Variants in ANTXR1 observed in about 807,000 individuals in gnomAD.
ANTXR1 encodes ANTXR cell adhesion molecule 1, also known as anthrax toxin receptor 1.
Under a neutral mutation model 78.1 loss-of-function variants are expected in ANTXR1, and 19 were observed. That is an observed-to-expected ratio of 0.24 (90% confidence interval 0.17 to 0.36). The LOEUF (loss-of-function observed/expected upper bound fraction) is 0.36. ANTXR1 is among the 10% of genes least tolerant of loss of function. The pLI is 1.00. For missense variants in ANTXR1, 518 were observed against 718.6 expected, an observed-to-expected ratio of 0.72 and a Z score of 3.19; for synonymous variants, 273 against 260.5, an observed-to-expected ratio of 1.05 and a Z score of -0.46.
intron 9 of ANTXR1, among the ~76,000 whole-genome samples, chr2:69,093,113 CAG>C (rs1217829153): frequency 6.6e-6 from 1 of 152,154 alleles, no homozygotes; most frequent in African/African-American, 2.4e-5. Context: ...TCCTTGAAGA[CAG>C]AGAAGGAAAC....
intron 14 of ANTXR1, 54 bp from the exon 15 acceptor site, chr2:69,181,732 G>T: frequency 6.5e-7 from 1 of 1,545,898 alleles, no homozygotes; most frequent in Non-Finnish European, 8.9e-7. Flanking sequence ...GTAGTAGGCA[G>T]GTCCACACAG....
chr2:69,071,505 C>A (rs1670565119), intron 4 of ANTXR1, among the ~76,000 whole-genome samples: 1 of 152,306 alleles, frequency 6.6e-6, no homozygotes, highest in East Asian at 1.9e-4. Flanking sequence ...CCTTAGGGGA[C>A]CACTGTCATA....
intron 10 of ANTXR1, among the ~76,000 whole-genome samples, chr2:69,107,725 C>T (rs11689969): frequency 0.38 from 58,468 of 151,990 alleles, 11,736 homozygotes; most frequent in East Asian, 0.5. Flanking sequence ...GCTAAGACAA[C>T]TTTGAAGACA....
chr2:69,140,118 C>A (rs1673029001), intron 12 of ANTXR1, among the ~76,000 whole-genome samples: 1 of 152,186 alleles, frequency 6.6e-6, no homozygotes, highest in Non-Finnish European at 1.5e-5. Context: ...TCGTAAGTAA[C>A]ATGAAATGTC....
chr2:69,102,923 A>G lies in ANTXR1; in HGVS notation c.785A>G (p.Asn262Ser), dbSNP rs371700484. Residue 262 changes from asparagine (N) to serine (S), a missense_variant, in exon 10 of 18, where the codon AAT becomes AGT. Physicochemically the swap from Asn to Ser is conservative, Grantham distance 46. This residue lies in a region of ANTXR1 where 264 missense variants were observed against 391.8 expected (regional missense o/e 0.67). Transcript: ENST00000303714. ...AGGGTCCTCTGCAGCTTCAAGATCA[A>G]TGACTCGGTCACACTCAGTAAGTCC... ...VDRVLCSFKI[N>S]DSVTLNEKPF... 2 of 1,614,042 alleles carry G rather than the reference A, an allele frequency of 1.2e-6. No individual in the cohort carries two copies. Among genetic ancestry groups the G allele is most frequent in the Non-Finnish European group, 1.7e-6 (2 of 1,180,038 alleles).
At chr2:69,241,306 G>A (rs977510436) in intron 17 of ANTXR1, among the ~76,000 whole-genome samples, 14 of 152,142 alleles carry the variant, frequency 9.2e-5, no homozygotes, top group East Asian at 5.8e-4. Flanking sequence ...AGCAAAAAAC[G>A]ATGTTGTGTA....
At chr2:69,142,833 G>T (rs931083918) in intron 12 of ANTXR1, among the ~76,000 whole-genome samples, 2 of 152,148 alleles carry the variant, frequency 1.3e-5, no homozygotes, top group African/African-American at 4.8e-5. Flanking sequence ...GAGGAGGGAG[G>T]GGGAGGTGCT....
At chr2:69,220,272 CATCATACAGAGCTGCTG>C (rs1480922719) in intron 17 of ANTXR1, among the ~76,000 whole-genome samples, 3 of 152,180 alleles carry the variant, frequency 2.0e-5, no homozygotes, top group Non-Finnish European at 2.9e-5. Context: ...GCTCTCTCCT[CATCATACAGAGCTGCTG>C]AAGGGATCCT....
At chr2:69,094,017 A>G (rs1300347781) in intron 9 of ANTXR1, among the ~76,000 whole-genome samples, 1 of 152,256 alleles carries the variant, frequency 6.6e-6, no homozygotes, top group African/African-American at 2.4e-5. Context: ...TGAAACTCCC[A>G]AAAGATATCC....
chr2:69,069,822 C>T (rs1670513283), intron 3 of ANTXR1, among the ~76,000 whole-genome samples: 1 of 152,174 alleles, frequency 6.6e-6, no homozygotes, highest in Admixed American at 6.5e-5. Flanking sequence ...AGCATCTCCA[C>T]CCTGTACCAC....
intron 13 of ANTXR1, among the ~76,000 whole-genome samples, chr2:69,153,743 G>A (rs1177519475): frequency 9.9e-5 from 15 of 152,120 alleles, no homozygotes; most frequent in Admixed American, 9.2e-4. Context: ...AAGAAGAGTC[G>A]GCAGGCCTGG....
At chr2:69,126,443 G>A (rs1672542052) in intron 12 of ANTXR1, among the ~76,000 whole-genome samples, 1 of 152,148 alleles carries the variant, frequency 6.6e-6, no homozygotes, top group Admixed American at 6.5e-5. Flanking sequence ...TTCTTCAAGT[G>A]TATCCTGCCT....
At chr2:69,217,089 G>T (rs1006390081) in intron 17 of ANTXR1, among the ~76,000 whole-genome samples, 1 of 152,170 alleles carries the variant, frequency 6.6e-6, no homozygotes, top group Non-Finnish European at 1.5e-5. Context: ...AAAAAATGAG[G>T]TTTGGCACAA....
chr2:69,238,776 T>C (rs78546323), intron 17 of ANTXR1, among the ~76,000 whole-genome samples: 4,816 of 152,318 alleles, frequency 0.032, 262 homozygotes, highest in African/African-American at 0.11. Context: ...TGTTATACTT[T>C]TACGATCTAA....
At chr2:69,105,489 A>G (rs1372339306) in intron 10 of ANTXR1, among the ~76,000 whole-genome samples, 1 of 152,246 alleles carries the variant, frequency 6.6e-6, no homozygotes, top group Non-Finnish European at 1.5e-5. Flanking sequence ...TTAGTTAGTA[A>G]TTCACCTGTT....
Position 69,013,285 on chromosome 2 carries a change from A to G in ANTXR1, c.-215A>G, listed in dbSNP as rs1670918468. On this transcript the variant is annotated 5_prime_UTR_variant, in exon 1 of 18. Transcript: ENST00000303714. This position sits in a 1 kb window ranked among gnomAD's most constrained non-coding sequence, Gnocchi z 5.0. The stretch of plus-strand genomic sequence containing the variant: ...AAAAGAAGCGGAGGACAGGATTGGG[A>G]TCCTTGAAACCCGAAACCCAGAAAC... 1 of 679,826 alleles carries G rather than the reference A, an allele frequency of 1.5e-6. No homozygotes were observed. Among genetic ancestry groups the G allele is most frequent in the Admixed American group, 2.6e-5 (1 of 38,728 alleles). 42.1% of individuals were successfully genotyped at this position (679,826 alleles called of 1,614,324 possible).
At chr2:69,075,235 C>G (rs1313109243) in intron 6 of ANTXR1, among the ~76,000 whole-genome samples, 1 of 152,122 alleles carries the variant, frequency 6.6e-6, no homozygotes, top group South Asian at 2.1e-4. Flanking sequence ...TGATATCACG[C>G]CCCCATTACA....
At chr2:69,171,806 C>T (rs1426222021) in intron 14 of ANTXR1, among the ~76,000 whole-genome samples, 1 of 152,142 alleles carries the variant, frequency 6.6e-6, no homozygotes, top group Non-Finnish European at 1.5e-5. Flanking sequence ...AGTAAAAAAG[C>T]CCAAACTAGA....
At chr2:69,075,166 C>T (rs1175903714) in intron 6 of ANTXR1, among the ~76,000 whole-genome samples, 1 of 152,150 alleles carries the variant, frequency 6.6e-6, no homozygotes, top group Admixed American at 6.5e-5. Flanking sequence ...AAACACAATA[C>T]AGAGTAAAGC....
Sources: gnomAD v4.1 joint callset for allele counts (sites outside exome capture counted in the v4.1 genomes callset) on GRCh38, gnomAD v4.1.1 for gene constraint, gnomAD v4.1.1 regional missense constraint, Gnocchi (gnomAD v3.1) non-coding constraint, MANE v1.5 for transcripts, NCBI Gene and HGNC (gene_info 2026-07-23, HGNC 2026-07-21) for gene names.